The following C9orf153 variants were observed in gnomAD, a reference collection of about 807,000 sequenced individuals.
C9orf153 encodes the protein uncharacterized protein C9orf153.
C9orf153 carries 10 observed loss-of-function variants against 9.0 expected under a neutral mutation model. The observed-to-expected ratio is 1.11, with a 90% CI of 0.69 to 1.89. C9orf153 has a LOEUF of 1.89. Ranked by LOEUF, C9orf153 falls within the 40% of genes most tolerant of loss-of-function variation. C9orf153 has a pLI of 0.00. For missense variants in C9orf153, 108 were observed against 111.0 expected, an observed-to-expected ratio of 0.97 and a Z score of 0.12; for synonymous variants, 35 against 37.3, an observed-to-expected ratio of 0.94 and a Z score of 0.23.
intron 3 of C9orf153, among the ~76,000 whole-genome samples, chr9:86,224,971 G>A (rs886474984): frequency 3.4e-5 from 5 of 146,808 alleles, no homozygotes; most frequent in African/African-American, 1.3e-4. Context: ...GCATTGTTCC[G>A]GCCCTTGTCT....
chr9:86,247,424 G>A (rs1269500589), intron 1 of C9orf153, among the ~76,000 whole-genome samples: 1 of 152,140 alleles, frequency 6.6e-6, no homozygotes, highest in Admixed American at 6.5e-5. Context: ...GCTCACATCT[G>A]TAATCCCAAC....
chr9:86,258,840 CT>C (rs201510058), intron 1 of C9orf153, among the ~76,000 whole-genome samples: 3 of 150,016 alleles, frequency 2.0e-5, no homozygotes, highest in Non-Finnish European at 4.4e-5. Context: ...CAGCTTTCCC[CT>C]TTTTTTTTTA....
At chr9:86,252,026 C>A (rs76121463) in intron 1 of C9orf153, among the ~76,000 whole-genome samples, 69,597 of 151,088 alleles carry the variant, frequency 0.46, 16,653 homozygotes, top group East Asian at 0.84. Flanking sequence ...GTTATTTGGT[C>A]TTTTTTGTTT....
intron 1 of C9orf153, among the ~76,000 whole-genome samples, chr9:86,246,188 G>A (rs372186389): frequency 6.6e-5 from 10 of 152,256 alleles, no homozygotes; most frequent in African/African-American, 2.4e-4. Flanking sequence ...TCTCAGCTGA[G>A]GACAGCTTGG....
intron 1 of C9orf153, among the ~76,000 whole-genome samples, 188 bp from the exon 2 acceptor site, chr9:86,229,817 A>G (rs1389328514): frequency 2.6e-5 from 4 of 152,194 alleles, no homozygotes; most frequent in Admixed American, 1.3e-4. Flanking sequence ...TTTATAAGAA[A>G]ATAGGTTTAA....
intron 1 of C9orf153, among the ~76,000 whole-genome samples, chr9:86,242,318 G>A (rs922843525): frequency 6.6e-6 from 1 of 151,846 alleles, no homozygotes; most frequent in South Asian, 2.1e-4. Flanking sequence ...GAACTGAGGA[G>A]CTTTTGCAGG....
At chr9:86,230,291 A>T in intron 1 of C9orf153, among the ~76,000 whole-genome samples, 1 of 152,226 alleles carries the variant, frequency 6.6e-6, no homozygotes, top group Non-Finnish European at 1.5e-5. Context: ...GGATGGTTTT[A>T]TTTTTTATTT....
At chr9:86,239,488 G>A (rs144529551) in intron 1 of C9orf153, among the ~76,000 whole-genome samples, 139 of 152,306 alleles carry the variant, frequency 9.1e-4, no homozygotes, top group African/African-American at 3.3e-3. Context: ...CATCATAGGA[G>A]ATTGCTTATA....
intron 3 of C9orf153, among the ~76,000 whole-genome samples, chr9:86,226,707 A>G (rs1824342964): frequency 6.6e-6 from 1 of 152,110 alleles, no homozygotes; most frequent in African/African-American, 2.4e-5. Flanking sequence ...AAAGTGTAAG[A>G]CACTCCCTTC....
intron 1 of C9orf153, among the ~76,000 whole-genome samples, chr9:86,248,397 G>T (rs998126119): frequency 3.3e-5 from 5 of 152,190 alleles, no homozygotes; most frequent in African/African-American, 1.2e-4. Context: ...GCCTCCCAAA[G>T]TGCTGGGATT....
intron 1 of C9orf153, among the ~76,000 whole-genome samples, chr9:86,251,743 C>T (rs1361747123): frequency 2.6e-5 from 4 of 151,910 alleles, no homozygotes; most frequent in Non-Finnish European, 2.9e-5. Flanking sequence ...AACCTTATCG[C>T]GTGTGGTCAA....
chr9:86,222,983 T>C (rs1430724964), intron 3 of C9orf153, among the ~76,000 whole-genome samples: 1 of 152,114 alleles, frequency 6.6e-6, no homozygotes, highest in Non-Finnish European at 1.5e-5. Flanking sequence ...TTTGTACATG[T>C]CTGAAGTAGA....
chr9:86,258,054 T>G (rs1021827420), intron 1 of C9orf153, among the ~76,000 whole-genome samples: 6 of 152,106 alleles, frequency 3.9e-5, no homozygotes. Context: ...ATTACTAAAA[T>G]TTTTGTAGGA....
chr9:86,230,827 C>T lies in C9orf153; in HGVS notation c.-26-1198G>A, dbSNP rs117621192. 1.4e-3 allele frequency among the ~76,000 whole-genome samples: 213 copies of T among 152,248 alleles called. 4 individuals carry two copies. In the East Asian group the frequency reaches 0.033, roughly 24 times the overall value. On this transcript the variant is annotated intron_variant, in intron 1 of 3. Transcript: ENST00000339137. ...AATTGTGTTTAATTTTTCTGCAAGA[C>T]GTTAAAAATGGCCATGGAATCTCCA...
chr9:86,225,615 C>T lies in C9orf153; in HGVS notation c.242+2240G>A, dbSNP rs1017918106. 4.6e-5 allele frequency among the ~76,000 whole-genome samples: 7 copies of T among 152,168 alleles called. No homozygotes were observed. In the South Asian group the frequency reaches 6.2e-4, roughly 14 times the overall value. Reference sequence around the variant, plus strand: ...CTGGGATTACAGGTGCCCGCCGCAACGCCCAGCTAATTTTTTTGTATTTTT... The same window carrying T: ...CTGGGATTACAGGTGCCCGCCGCAATGCCCAGCTAATTTTTTTGTATTTTT... On this transcript the variant is annotated intron_variant, in intron 3 of 3. Coordinates refer to ENST00000339137, the MANE Select transcript of C9orf153 (RefSeq NM_001276366.4).
intron 1 of C9orf153, among the ~76,000 whole-genome samples, chr9:86,231,605 A>T (rs1316589589): frequency 1.3e-5 from 2 of 151,898 alleles, no homozygotes; most frequent in East Asian, 3.9e-4. Flanking sequence ...ATGGATATAT[A>T]TATATATATA....
At chr9:86,240,707 C>CTTTTTTTTTTTTTTTTTTTTT (rs367674249) in intron 1 of C9orf153, among the ~76,000 whole-genome samples, 1 of 117,012 alleles carries the variant, frequency 8.5e-6, no homozygotes. Context: ...TTTTCTTTTT[C>CTTTTTTTTTTTTTTTTTTTTT]TTTTTTTTTT....
In C9orf153 at chr9:86,251,741, C is replaced by T. The variant is rs544378553; in HGVS notation, c.-27+7809G>A. 2.6e-4 allele frequency among the ~76,000 whole-genome samples: 39 copies of T among 152,060 alleles called. 1 individual carries two copies. The South Asian group carries it at 3.5e-3, about 14-fold the overall frequency. ...TATAAAAGGTTTATGGAAACCTTAT[C>T]GCGTGTGGTCAAAACTGATTATAAT... is the stretch of plus-strand genomic sequence containing the variant. On this transcript the variant is annotated intron_variant, in intron 1 of 3. Transcript: ENST00000339137.
intron 1 of C9orf153, among the ~76,000 whole-genome samples, chr9:86,236,740 G>A (rs1462512633): frequency 1.3e-5 from 2 of 151,732 alleles, no homozygotes; most frequent in East Asian, 3.9e-4. Flanking sequence ...AGGAGTAAAT[G>A]AAGATTAAAA....
Sources: allele counts gnomAD v4.1 joint callset (sites outside exome capture counted in the v4.1 genomes callset), GRCh38; gene constraint gnomAD v4.1.1; transcripts MANE v1.5; gene names NCBI Gene and HGNC (gene_info 2026-07-23, HGNC 2026-07-21).